The following MYO5A variants were observed in gnomAD, a reference collection of about 807,000 sequenced individuals.
MYO5A encodes the protein unconventional myosin-Va.
MYO5A carries 98 observed loss-of-function variants against 249.7 expected under a neutral mutation model. The observed-to-expected ratio is 0.39, with a 90% CI of 0.33 to 0.46. The LOEUF (loss-of-function observed/expected upper bound fraction) is 0.46, where lower values mean the gene tolerates loss of function less well. Among genes scored for constraint, MYO5A ranks in the 20% least tolerant of loss-of-function variants. The pLI is 0.98. For missense variants in MYO5A, 1,696 were observed against 2,308.8 expected, an observed-to-expected ratio of 0.73 and a Z score of 5.44; for synonymous variants, 778 against 810.6, an observed-to-expected ratio of 0.96 and a Z score of 0.68.
At chr15:52,445,086 T>C (rs1332364816) in intron 1 of MYO5A, among the ~76,000 whole-genome samples, 1 of 152,182 alleles carries the variant, frequency 6.6e-6, no homozygotes, top group East Asian at 1.9e-4. Context: ...TGACACAGTT[T>C]GGATATTTGT....
chr15:52,417,090 T>C (rs940970), intron 4 of MYO5A, among the ~76,000 whole-genome samples: 29,573 of 152,190 alleles, frequency 0.19, 3,630 homozygotes, highest in East Asian at 0.56. Context: ...AAGAATGATA[T>C]TTCCTAAAAA....
At position 52,428,428 on chromosome 15, in the gene MYO5A, T is replaced by C. The variant is rs1461665786; in HGVS notation, c.280A>G (p.Ile94Val). ...TACGTATAAATAAGTTTGGAATCAATAAAGCGGACTCTGAGATTATGGAGC... is the reference window on the plus strand; with the variant it reads ...TACGTATAAATAAGTTTGGAATCAACAAAGCGGACTCTGAGATTATGGAGC... Reference protein sequence around the residue: ...AVLHNLRVRFIDSKLIYTYCG... With the variant: ...AVLHNLRVRFVDSKLIYTYCG... Residue 94 changes from isoleucine to valine, a missense_variant, in exon 3 of 42, where the codon ATT becomes GTT. Coordinates refer to ENST00000399233, the MANE Select transcript of MYO5A (RefSeq NM_001382347.1). 2 of 1,614,158 alleles carry C rather than the reference T, an allele frequency of 1.2e-6. No individual in the cohort carries two copies. The highest frequency in any genetic ancestry group is 1.1e-5 in the South Asian group (1 of 91,086).
chr15:52,372,408 C>T (rs1156754472), intron 20 of MYO5A, 45 bp from the exon 21 acceptor site: 19 of 1,596,240 alleles, frequency 1.2e-5, no homozygotes, highest in Non-Finnish European at 1.4e-5. Context: ...CCCTGGACTA[C>T]ACTCATGATT....
At position 52,310,763 on chromosome 15, in the gene MYO5A, T is replaced by C. The variant is rs2037749083; in HGVS notation, c.*2933A>G. ...CTGAAGTTGGGTGAGAAAGTGTGGC[T>C]GACAGAGAGAAAGAACCTCAGAGGG... On this transcript the variant is annotated 3_prime_UTR_variant, in exon 42 of 42. Coordinates refer to ENST00000399233, the MANE Select transcript of MYO5A (RefSeq NM_001382347.1). 6.6e-6 allele frequency: 1 copy of C among 152,400 alleles called. No homozygotes were observed. Among genetic ancestry groups the C allele is most frequent in the Non-Finnish European group, 1.5e-5 (1 of 68,246 alleles). 9.4% of individuals were successfully genotyped at this position (152,400 alleles called of 1,614,324 possible).
At chr15:52,475,685 T>C (rs1168396562) in intron 1 of MYO5A, among the ~76,000 whole-genome samples, 1 of 152,230 alleles carries the variant, frequency 6.6e-6, no homozygotes, top group Non-Finnish European at 1.5e-5. Flanking sequence ...AGTTTCCATG[T>C]AGTTGTGTGG....
At chr15:52,508,383 GAA>G (rs1432121093) in intron 1 of MYO5A, among the ~76,000 whole-genome samples, 3 of 99,078 alleles carry the variant, frequency 3.0e-5, no homozygotes, top group South Asian at 3.3e-4. Flanking sequence ...GTTTTATAAG[GAA>G]AAAAAAAAAA....
intron 1 of MYO5A, chr15:52,505,417 G>C: frequency 1.2e-6 from 1 of 822,000 alleles, no homozygotes; most frequent in East Asian, 2.4e-5. Flanking sequence ...GAAAGCTTTG[G>C]GCAAGTATGG....
chr15:52,466,118 G>A (rs2076347330), intron 1 of MYO5A, among the ~76,000 whole-genome samples: 1 of 152,154 alleles, frequency 6.6e-6, no homozygotes, highest in Non-Finnish European at 1.5e-5. Flanking sequence ...ACTGCTTGAG[G>A]AAGTATCCCA....
chr15:52,526,293 C>A (rs1196497544), intron 1 of MYO5A, among the ~76,000 whole-genome samples: 1 of 152,186 alleles, frequency 6.6e-6, no homozygotes, highest in Non-Finnish European at 1.5e-5. Context: ...AATCTTCCTG[C>A]CTCAGCTGAT....
chr15:52,471,300 T>C (rs1333753709), intron 1 of MYO5A, among the ~76,000 whole-genome samples: 2 of 151,924 alleles, frequency 1.3e-5, no homozygotes, highest in Non-Finnish European at 2.9e-5. Flanking sequence ...GGCACTTTTG[T>C]GTGCATTAAA....
intron 9 of MYO5A, among the ~76,000 whole-genome samples, chr15:52,404,167 A>C (rs1200293927): frequency 1.3e-5 from 2 of 151,030 alleles, no homozygotes; most frequent in African/African-American, 4.9e-5. Context: ...CAGGAGGCTG[A>C]GGCAGAAGAA....
intron 40 of MYO5A, among the ~76,000 whole-genome samples, chr15:52,316,006 G>A (rs962108768): frequency 5.3e-5 from 8 of 151,832 alleles, no homozygotes; most frequent in African/African-American, 1.5e-4. Flanking sequence ...AGGCTGAGGC[G>A]GGTGGATCAT....
chr15:52,419,069 C>G (rs1567108491), intron 4 of MYO5A, among the ~76,000 whole-genome samples: 1 of 152,178 alleles, frequency 6.6e-6, no homozygotes, highest in Non-Finnish European at 1.5e-5. Context: ...ATGCTTGCCT[C>G]AAACCTGAGT....
chr15:52,407,922 G>T, intron 7 of MYO5A, 137 bp downstream of exon 7: 1 of 662,550 alleles, frequency 1.5e-6, no homozygotes, highest in Non-Finnish European at 2.7e-6. Context: ...TTATTTTGAA[G>T]CCAAGGGCTG....
chr15:52,512,591 G>A lies in MYO5A; in HGVS notation c.27+16189C>T, dbSNP rs573118090. On this transcript the variant is annotated intron_variant, in intron 1 of 41. Coordinates refer to ENST00000399233, the MANE Select transcript of MYO5A (RefSeq NM_001382347.1). Reference sequence around the variant, plus strand: ...CATTAAGAGTATCTGAGGACAGTGAGATTACATACAATTTTTCTTTTGCAT... The same window carrying A: ...CATTAAGAGTATCTGAGGACAGTGAAATTACATACAATTTTTCTTTTGCAT... Among the ~76,000 whole-genome samples the A allele has an allele frequency of 4.6e-5, 7 of 152,240 alleles. No individual in the cohort carries two copies. In the South Asian group the frequency reaches 1.5e-3, roughly 32 times the overall value.
intron 23 of MYO5A, 58 bp downstream of exon 23, chr15:52,366,973 T>TAACTTAC: frequency 7.6e-7 from 1 of 1,320,112 alleles, no homozygotes; most frequent in Non-Finnish European, 1.1e-6. Flanking sequence ...AATGACATTG[T>TAACTTAC]AACTTACATA....
intron 38 of MYO5A, among the ~76,000 whole-genome samples, 198 bp downstream of exon 38, chr15:52,321,142 ATACTACTGTTTCAGTCTTG>A (rs1246739633): frequency 6.6e-6 from 1 of 152,264 alleles, no homozygotes; most frequent in African/African-American, 2.4e-5. Flanking sequence ...AGGAAACCAT[ATACTACTGTTTCAGTCTTG>A]TGGAAACAGT....
Position 52,353,647 on chromosome 15 carries a change from T to C in MYO5A, c.3579A>G (p.Arg1193=). The change falls in exon 27 of 42, where the codon AGA becomes AGG. Residue 1193 remains arginine, a synonymous_variant. Transcript: ENST00000399233. Reference sequence around the variant, plus strand: ...CCAGTTCTGCACCTCTAATTTGTGGTCTTTCTTCTTCCTAGGGAAAAGTTA... The same window carrying C: ...CCAGTTCTGCACCTCTAATTTGTGGCCTTTCTTCTTCCTAGGGAAAAGTTA... ...VLRSKAKEEE[R]PQIRGAELEY... is the part of the protein sequence containing the mutation. The C allele has an allele frequency of 6.2e-7, 1 of 1,613,714 alleles. No individual in the cohort carries two copies. The highest frequency in any genetic ancestry group is 8.5e-7 in the Non-Finnish European group (1 of 1,179,576).
intron 9 of MYO5A, 64 bp downstream of exon 9, chr15:52,405,223 A>G: frequency 8.2e-7 from 1 of 1,220,206 alleles, no homozygotes; most frequent in South Asian, 1.2e-5. Context: ...TTGCTTCTTT[A>G]AACAATCTAC....
Sources: allele counts gnomAD v4.1 joint callset (sites outside exome capture counted in the v4.1 genomes callset), GRCh38; gene constraint gnomAD v4.1.1; transcripts MANE v1.5; gene names NCBI Gene and HGNC (gene_info 2026-07-23, HGNC 2026-07-21).